ERBB3: variants seen among roughly 807,000 people sequenced by gnomAD.
The protein encoded by ERBB3 is receptor tyrosine-protein kinase erbB-3.
A neutral mutation model predicts 156.7 loss-of-function variants in ERBB3; 96 were observed. The ratio of observed to expected loss-of-function variants is 0.61; its 90% CI spans 0.52 to 0.73. ERBB3 has a LOEUF of 0.73. Among genes scored for constraint, ERBB3 ranks in the 30% least tolerant of loss-of-function variants. ERBB3 has a pLI of 0.00. For missense variants in ERBB3, 1,406 were observed against 1,709.4 expected, an observed-to-expected ratio of 0.82 and a Z score of 3.13; for synonymous variants, 567 against 632.0, an observed-to-expected ratio of 0.90 and a Z score of 1.54.
chr12:56,094,868 T>C (rs1264416245), intron 15 of ERBB3, among the ~76,000 whole-genome samples: 1 of 152,076 alleles, frequency 6.6e-6, no homozygotes, highest in Non-Finnish European at 1.5e-5. Flanking sequence ...GGAGAATTTC[T>C]TGAACCCAGG....
intron 3 of ERBB3, chr12:56,085,472 T>C (rs1868447965): frequency 1.5e-6 from 2 of 1,368,182 alleles, no homozygotes; most frequent in Non-Finnish European, 9.4e-7. Context: ...AGGCCAGGCC[T>C]GATGGCTTAC....
At chr12:56,099,601 G>A (rs1869018680) in intron 23 of ERBB3, 47 bp from the exon 24 acceptor site, 1 of 1,539,412 alleles carries the variant, frequency 6.5e-7, no homozygotes, top group South Asian at 1.1e-5. Flanking sequence ...GCCCGGCCAT[G>A]GAATGTATTC....
chr12:56,083,481 C>T, intron 1 of ERBB3: 2 of 482,886 alleles, frequency 4.1e-6, no homozygotes, highest in South Asian at 4.1e-5. Context: ...CCCCTTAGTA[C>T]CCAAAAGAAG....
In ERBB3 at chr12:56,103,132, T is replaced by C. The variant is rs1869182239; in HGVS notation, c.*1077T>C. On this transcript the variant is annotated 3_prime_UTR_variant, in exon 28 of 28. Transcript: ENST00000267101. Reference sequence around the variant, plus strand: ...TTTAAGGGGCACTGTTTCTTGTTTTTGCACTGAATCAAGTCTAACCCCAAC... The same window carrying C: ...TTTAAGGGGCACTGTTTCTTGTTTTCGCACTGAATCAAGTCTAACCCCAAC... 4.3e-6 allele frequency: 1 copy of C among 231,000 alleles called. No individual in the cohort carries two copies. The highest frequency in any genetic ancestry group is 8.6e-6 in the Non-Finnish European group (1 of 116,462). 14.3% of individuals were successfully genotyped at this position (231,000 alleles called of 1,614,324 possible).
intron 1 of ERBB3, 111 bp downstream of exon 1, chr12:56,080,493 G>GC: frequency 1.1e-6 from 1 of 882,522 alleles, no homozygotes; most frequent in Non-Finnish European, 1.8e-6. Flanking sequence ...TGTGGGTGCT[G>GC]CCCCCGGTTT....
chr12:56,094,985 G>T (rs1331125677), intron 15 of ERBB3, among the ~76,000 whole-genome samples: 2 of 151,850 alleles, frequency 1.3e-5, no homozygotes, highest in East Asian at 3.9e-4. Context: ...CAGCTGTGTA[G>T]CGAAGGATTG....
rs755643469 is a variant in ERBB3, at chr12:56,086,647, G to C, written c.538G>C (p.Gly180Arg). ...RDAEIVVKDNGRSCPPCHEVC... is the reference protein window; with the variant it reads ...RDAEIVVKDNRRSCPPCHEVC... ...TGCTGAGATAGTGGTGAAGGACAAT[G>C]GCAGAAGCTGTAAGTGGCCGTGATC... is the stretch of plus-strand genomic sequence containing the variant. Residue 180 changes from glycine to arginine, a missense_variant, in exon 4 of 28, where the codon GGC becomes CGC. By Grantham distance (125) the Gly-to-Arg change is moderately radical (BLOSUM62 -2). Coordinates refer to ENST00000267101, the MANE Select transcript of ERBB3 (RefSeq NM_001982.4). The C allele has an allele frequency of 6.2e-7, 1 of 1,614,046 alleles. No homozygotes were observed. The highest frequency in any genetic ancestry group is 8.5e-7 in the Non-Finnish European group (1 of 1,179,958).
intron 21 of ERBB3, 135 bp downstream of exon 21, chr12:56,098,075 T>A (rs974157389): frequency 3.4e-6 from 3 of 875,930 alleles, no homozygotes; most frequent in Non-Finnish European, 3.5e-6. Context: ...TGCCAGATAT[T>A]TTAGTTCAGA....
chr12:56,102,806 T>TTAAAAAA lies in ERBB3; in HGVS notation c.*751_*752insTAAAAAA. 1 of 55,734 alleles carries TTAAAAAA rather than the reference T, an allele frequency of 1.8e-5. No homozygotes were observed. The highest frequency in any genetic ancestry group is 3.1e-5 in the Non-Finnish European group (1 of 32,744). 3.5% of individuals were successfully genotyped at this position (55,734 alleles called of 1,614,324 possible). A position where few individuals can be genotyped will look rare whatever the true frequency, so the allele number is the denominator to read the frequency against. ...CAACATAGTAAGACCCCCATCTCTT[T>TTAAAAAA]AAAAAAAAAAAAAAAAAAAAAAAAA... is the stretch of plus-strand genomic sequence containing the variant. On this transcript the variant is annotated 3_prime_UTR_variant, in exon 28 of 28. Coordinates refer to ENST00000267101, the MANE Select transcript of ERBB3 (RefSeq NM_001982.4).
At position 56,096,846 on chromosome 12, in the gene ERBB3, T is replaced by C; in HGVS notation, c.2274T>C (p.Asp758=). 1 of 1,607,370 alleles carries C rather than the reference T, an allele frequency of 6.2e-7. No individual in the cohort carries two copies. Among genetic ancestry groups the C allele is most frequent in the Non-Finnish European group, 8.5e-7 (1 of 1,174,040 alleles). The change falls in exon 19 of 28, where the codon GAT becomes GAC. Residue 758 remains aspartate, a splice_region_variant and synonymous_variant. Coordinates refer to ENST00000267101, the MANE Select transcript of ERBB3 (RefSeq NM_001982.4). ...SGRQSFQAVT[D]HMLAIGSLDH... ...GGCAGAGTTTTCAAGCTGTGACAGA[T>C]GTAAGTGAAGGAAATTCTGTATGCC...
intron 22 of ERBB3, 66 bp from the exon 23 acceptor site, chr12:56,098,693 C>A (rs2136821903): frequency 6.3e-7 from 1 of 1,594,356 alleles, no homozygotes; most frequent in Non-Finnish European, 8.6e-7. Context: ...CAGGTTCTGC[C>A]TTCCCTTCAC....
Position 56,100,245 on chromosome 12 carries a change from G to A in ERBB3, c.3201G>A (p.Gln1067=), listed in dbSNP as rs142406728. 4.8e-5 allele frequency: 77 copies of A among 1,612,400 alleles called. No homozygotes were observed. The African/African-American group carries it at 7.8e-4, about 16-fold the overall frequency. Reference sequence around the variant, plus strand: ...AGGGTAATCTTGGGGAGTCTTGCCAGGTAAGTTCTGTTGCTGAGAGGCTGG... The same window carrying A: ...AGGGTAATCTTGGGGAGTCTTGCCAAGTAAGTTCTGTTGCTGAGAGGCTGG... ...MNQGNLGESC[Q]ESAVSGSSER... Residue 1067 remains glutamine (Q), a splice_region_variant and synonymous_variant, in exon 26 of 28, where the codon CAG becomes CAA. Transcript: ENST00000267101.
rs1170241416 is a variant in ERBB3, at chr12:56,101,280, A to T, written c.3421A>T (p.Thr1141Ser). The T allele has an allele frequency of 2.5e-6, 4 of 1,613,704 alleles. No individual in the cohort carries two copies. Among genetic ancestry groups the T allele is most frequent in the Non-Finnish European group, 3.4e-6 (4 of 1,179,930 alleles). Residue 1141 changes from threonine (T) to serine (S), a missense_variant, in exon 27 of 28, where the codon ACT becomes TCT. Thr to Ser is a moderately conservative substitution (Grantham distance 58). Coordinates refer to ENST00000267101, the MANE Select transcript of ERBB3 (RefSeq NM_001982.4). ...AYHSQRHSLL[T>S]PVTPLSPPGL... ...CCATTCCCAGCGCCACAGTCTGCTGACTCCTGTTACCCCACTCTCCCCACC... is the reference window on the plus strand; with the variant it reads ...CCATTCCCAGCGCCACAGTCTGCTGTCTCCTGTTACCCCACTCTCCCCACC...
Position 56,083,749 on chromosome 12 carries a change from A to G in ERBB3, c.83-2A>G, listed in dbSNP as rs1313213974. The G allele has an allele frequency of 1.9e-6, 3 of 1,614,130 alleles. No homozygotes were observed. The highest frequency in any genetic ancestry group is 1.7e-6 in the Non-Finnish European group (2 of 1,180,006). On this transcript the variant is annotated splice_acceptor_variant, in intron 1 of 27. Transcript: ENST00000267101. LOFTEE classifies it high-confidence loss of function. ...AGCCACTCTTCCCTCTGCTTTGAAC[A>G]GTGTGTCCTGGGACTCTGAATGGCC...
At chr12:56,098,999 G>GGCTGGAGTGC in intron 23 of ERBB3, 94 bp downstream of exon 23, 3 of 1,205,630 alleles carry the variant, frequency 2.5e-6, no homozygotes, top group Non-Finnish European at 3.5e-6. Context: ...TTGTCACCCA[G>GGCTGGAGTGC]GCTGGAGTGC....
Position 56,097,946 on chromosome 12 carries a change from G to C in ERBB3, c.2616+6G>C. On this transcript the variant is annotated splice_donor_region_variant and intron_variant, in intron 21 of 27. Transcript: ENST00000267101. ...TGCTATACAGTGAGGCCAAGGTGAG[G>C]AGACACAAAGGGTAAGGAGGCGGGG... 1 of 1,612,916 alleles carries C rather than the reference G, an allele frequency of 6.2e-7. No individual in the cohort carries two copies. Among genetic ancestry groups the C allele is most frequent in the South Asian group, 1.1e-5 (1 of 91,026 alleles).
At chr12:56,083,347 G>C in intron 1 of ERBB3, 2 of 338,046 alleles carry the variant, frequency 5.9e-6, no homozygotes, top group South Asian at 4.9e-5. Context: ...AGAGAGGCAG[G>C]ATGAGGGTAG....
chr12:56,095,491 T>C (rs1374294265), intron 16 of ERBB3, 174 bp from the exon 17 acceptor site: 1 of 912,580 alleles, frequency 1.1e-6, no homozygotes, highest in African/African-American at 1.7e-5. Context: ...AAATTAACTT[T>C]CAGTAGTCTA....
In ERBB3 at chr12:56,085,075, G is replaced by A. The variant is rs185577186; in HGVS notation, c.315G>A (p.Val105=). The A allele has an allele frequency of 1.9e-6, 3 of 1,614,126 alleles. No homozygotes were observed. Among genetic ancestry groups the A allele is most frequent in the East Asian group, 4.5e-5 (2 of 44,882 alleles). The change falls in exon 3 of 28, where the codon GTG becomes GTA. Residue 105 remains valine (V), a synonymous_variant. Transcript: ENST00000267101. ...TACCATTGCCCAACCTCCGCGTGGT[G>A]CGAGGGACCCAGGTCTACGATGGGA... ...STLPLPNLRV[V]RGTQVYDGKF...
Sources: allele counts gnomAD v4.1 joint callset (sites outside exome capture counted in the v4.1 genomes callset), GRCh38; gene constraint gnomAD v4.1.1; transcripts MANE v1.5; gene names NCBI Gene and HGNC (gene_info 2026-07-23, HGNC 2026-07-21).